Variants in FAR1 observed in about 807,000 individuals in gnomAD.
FAR1 encodes the protein male sterility domain-containing protein 2.
In FAR1, 22 loss-of-function variants were observed where a neutral mutation model predicts 61.1. That is an observed-to-expected ratio of 0.36 (90% CI 0.26 to 0.51). The LOEUF (loss-of-function observed/expected upper bound fraction) is 0.51, where lower values mean the gene tolerates loss of function less well. Among genes scored for constraint, FAR1 ranks in the 20% least tolerant of loss-of-function variants. The pLI, the probability that FAR1 is intolerant of heterozygous loss-of-function variation, is 0.95. For missense variants in FAR1, 359 were observed against 626.9 expected, an observed-to-expected ratio of 0.57 and a Z score of 4.56; for synonymous variants, 206 against 209.7, an observed-to-expected ratio of 0.98 and a Z score of 0.15.
At chr11:13,704,202 A>G (rs1039207416) in intron 3 of FAR1, among the ~76,000 whole-genome samples, 15 of 152,220 alleles carry the variant, frequency 9.9e-5, no homozygotes, top group African/African-American at 2.9e-4. Flanking sequence ...ACTAGAGTTG[A>G]GAGTAATGGA....
At chr11:13,693,179 A>G (rs1848271178) in intron 1 of FAR1, among the ~76,000 whole-genome samples, 1 of 152,206 alleles carries the variant, frequency 6.6e-6, no homozygotes. Flanking sequence ...TGACACTAAC[A>G]ACAGCTAATG....
chr11:13,725,068 A>T (rs1020977371), intron 10 of FAR1, among the ~76,000 whole-genome samples: 2 of 152,190 alleles, frequency 1.3e-5, no homozygotes, highest in Non-Finnish European at 1.5e-5. Flanking sequence ...TATAAATGGT[A>T]TTATACAGTA....
chr11:13,727,561 C>A lies in FAR1; in HGVS notation c.1263C>A (p.Phe421Leu). ...NQLNPEDKKT[F>L]NIDVRQLHWA... ...TAATTTTTTTGTTAACGTAGACCTT[C>A]AATATTGATGTACGGCAGTTACATT... The change falls in exon 11 of 12, where the codon TTC (phenylalanine) becomes TTA (leucine). Residue 421 changes from phenylalanine to leucine, a missense_variant. Phe to Leu is a conservative substitution (Grantham distance 22, BLOSUM62 0). Transcript: ENST00000354817. 6.2e-7 allele frequency: 1 copy of A among 1,600,028 alleles called. No homozygotes were observed. The highest frequency in any genetic ancestry group is 8.5e-7 in the Non-Finnish European group (1 of 1,173,616).
rs760159969 is a variant in FAR1 at position 13,694,746 on chromosome 11, A to G, written c.-7-13A>G. 1.9e-6 allele frequency: 3 copies of G among 1,595,486 alleles called. No homozygotes were observed. Among genetic ancestry groups the G allele is most frequent in the African/African-American group, 1.3e-5 (1 of 74,362 alleles). ...ATCCTTAAACTAATGCTTATTTGCCATGTTTTTCTTAGGATCAAAATGGTT... is the reference window on the plus strand; with the variant it reads ...ATCCTTAAACTAATGCTTATTTGCCGTGTTTTTCTTAGGATCAAAATGGTT... On this transcript the variant is annotated splice_polypyrimidine_tract_variant and intron_variant, in intron 1 of 11. Coordinates refer to ENST00000354817, the MANE Select transcript of FAR1 (RefSeq NM_032228.6).
chr11:13,709,402 T>C (rs1717636546), intron 4 of FAR1, among the ~76,000 whole-genome samples: 1 of 152,190 alleles, frequency 6.6e-6, no homozygotes, highest in Non-Finnish European at 1.5e-5. Context: ...AAAAGTTGAG[T>C]GTGAAAGTTA....
chr11:13,680,663 A>G (rs1168843154), intron 1 of FAR1, among the ~76,000 whole-genome samples: 1 of 152,108 alleles, frequency 6.6e-6, no homozygotes, highest in East Asian at 1.9e-4. Context: ...TTCAACAGCC[A>G]GTTCTTGTGG....
rs546986956 is a variant in FAR1, at chr11:13,727,639, T to A, written c.1341T>A (p.Asn447Lys). ...YCLGTKKYVLNEEMSGLPAAR... is the reference protein window; with the variant it reads ...YCLGTKKYVLKEEMSGLPAAR... ...TGGGAACTAAGAAGTACGTATTGAA[T>A]GAAGAAATGTCTGGCCTCCCTGCAG... The change falls in exon 11 of 12, where the codon AAT becomes AAA. Residue 447 changes from asparagine to lysine, a missense_variant. By Grantham distance (94) the Asn-to-Lys change is moderately conservative. Around this residue, in one of 2 missense-constraint regions of FAR1, gnomAD observed 344 missense variants for 570.3 expected, o/e 0.60. Transcript: ENST00000354817. The A allele has an allele frequency of 6.2e-7, 1 of 1,610,440 alleles. No individual in the cohort carries two copies. Among genetic ancestry groups the A allele is most frequent in the Non-Finnish European group, 8.5e-7 (1 of 1,177,700 alleles).
At chr11:13,711,313 G>A (rs555348912) in intron 5 of FAR1, among the ~76,000 whole-genome samples, 1 of 152,246 alleles carries the variant, frequency 6.6e-6, no homozygotes, top group South Asian at 2.1e-4. Flanking sequence ...ACCTAGGTCT[G>A]TGTAATGGTA....
At chr11:13,711,002 T>C (rs1848492754) in intron 5 of FAR1, 132 bp downstream of exon 5, 1 of 741,810 alleles carries the variant, frequency 1.3e-6, no homozygotes, top group Admixed American at 3.4e-5. Context: ...CAAAGCTGTT[T>C]TGTGTTCATA....
At chr11:13,695,863 T>G (rs962222876) in intron 2 of FAR1, among the ~76,000 whole-genome samples, 14 of 152,206 alleles carry the variant, frequency 9.2e-5, no homozygotes, top group Non-Finnish European at 1.2e-4. Context: ...GCAACAGATA[T>G]TCCTCATTAT....
chr11:13,710,225 G>T (rs991675917), intron 4 of FAR1, among the ~76,000 whole-genome samples: 6 of 151,948 alleles, frequency 3.9e-5, no homozygotes, highest in Non-Finnish European at 8.8e-5. Context: ...GTTATATACA[G>T]ATCTGTATTT....
intron 2 of FAR1, among the ~76,000 whole-genome samples, chr11:13,696,713 C>T (rs986442989): frequency 6.6e-6 from 1 of 152,068 alleles, no homozygotes; most frequent in East Asian, 1.9e-4. Flanking sequence ...CATATCCTAC[C>T]ACTTAATCCT....
intron 3 of FAR1, among the ~76,000 whole-genome samples, chr11:13,706,967 T>C (rs1279987522): frequency 6.6e-6 from 1 of 152,208 alleles, no homozygotes; most frequent in Non-Finnish European, 1.5e-5. Flanking sequence ...AGTCAGGATT[T>C]GAACACAGGT....
At chr11:13,674,097 G>A (rs187826804) in intron 1 of FAR1, among the ~76,000 whole-genome samples, 2 of 152,182 alleles carry the variant, frequency 1.3e-5, no homozygotes, top group African/African-American at 4.8e-5. Context: ...GGATCATGAG[G>A]TCAGGAGTTC....
At chr11:13,690,500 T>C (rs1046148199) in intron 1 of FAR1, among the ~76,000 whole-genome samples, 8 of 152,204 alleles carry the variant, frequency 5.3e-5, no homozygotes, top group African/African-American at 1.9e-4. Context: ...CATAATTGTT[T>C]TACCTTTCAC....
In FAR1 at chr11:13,728,788, A is replaced by C; in HGVS notation, c.*14A>C. 1 of 1,608,084 alleles carries C rather than the reference A, an allele frequency of 6.2e-7. No individual in the cohort carries two copies. Among genetic ancestry groups the C allele is most frequent in the Non-Finnish European group, 8.5e-7 (1 of 1,175,946 alleles). The stretch of plus-strand genomic sequence containing the variant: ...ATGAGATACTGAAGACCAAGGATTC[A>C]GCATTAGAACATCTATACATATGGT... On this transcript the variant is annotated 3_prime_UTR_variant, in exon 12 of 12. Coordinates refer to ENST00000354817, the MANE Select transcript of FAR1 (RefSeq NM_032228.6).
chr11:13,681,304 G>A (rs939647515), intron 1 of FAR1, among the ~76,000 whole-genome samples: 1 of 152,200 alleles, frequency 6.6e-6, no homozygotes, highest in African/African-American at 2.4e-5. Context: ...GGTCCAACAT[G>A]GGTTGGTGGT....
intron 2 of FAR1, 46 bp downstream of exon 2, chr11:13,695,000 C>G (rs779413918): frequency 1.3e-6 from 2 of 1,482,710 alleles, no homozygotes; most frequent in Non-Finnish European, 9.1e-7. Context: ...AAAGCGTGTG[C>G]TTGTGTATAT....
intron 3 of FAR1, among the ~76,000 whole-genome samples, chr11:13,706,728 G>A (rs1476333696): frequency 6.6e-6 from 1 of 152,036 alleles, no homozygotes; most frequent in African/African-American, 2.4e-5. Flanking sequence ...TTTTTTAAAA[G>A]CTGTAAACAG....
Sources: gnomAD v4.1 joint callset for allele counts (sites outside exome capture counted in the v4.1 genomes callset) on GRCh38, gnomAD v4.1.1 for gene constraint, gnomAD v4.1.1 regional missense constraint, MANE v1.5 for transcripts, NCBI Gene and HGNC (gene_info 2026-07-23, HGNC 2026-07-21) for gene names.